TTN: variants seen among roughly 807,000 people sequenced by gnomAD.
The protein encoded by TTN is titin.
A neutral mutation model predicts 3,223.0 loss-of-function variants in TTN; 1,525 were observed. The observed-to-expected ratio is 0.47, with a 90% confidence interval of 0.45 to 0.49. The LOEUF (loss-of-function observed/expected upper bound fraction) is 0.49. Ranked by LOEUF, TTN falls within the 20% of genes least tolerant of loss-of-function variation. The probability of loss-of-function intolerance (pLI) is 0.00; values close to 1 mark genes in which losing one functional copy is unlikely to be tolerated. For missense variants in TTN, 40,786 were observed against 43,424.0 expected (o/e 0.94, Z 5.40); for synonymous variants, 14,094 against 15,161.0 (o/e 0.93, Z 5.17).
chr2:178,575,984 A>G lies in TTN; in HGVS notation c.70148T>C (p.Ile23383Thr). Residue 23383 changes from isoleucine (I) to threonine (T), a missense_variant, in exon 326 of 363, where the codon ATC (isoleucine) becomes ACC (threonine). Ile to Thr is a moderately conservative substitution (Grantham distance 89, BLOSUM62 -1). Coordinates refer to ENST00000589042, the MANE Select transcript of TTN (RefSeq NM_001267550.2). This position sits in a 1 kb window ranked among gnomAD's most constrained non-coding sequence, Gnocchi z 4.0. Reference sequence around the variant, plus strand: ...AATGTTGGCTCGGTTTTTCAGGTTGATGTTATCTTTGGTCCATGTCACTTC... The same window carrying G: ...AATGTTGGCTCGGTTTTTCAGGTTGGTGTTATCTTTGGTCCATGTCACTTC... ...APEVTWTKDN[I>T]NLKNRANIEN... The G allele has an allele frequency of 6.2e-7, 1 of 1,611,580 alleles. No individual in the cohort carries two copies. Among genetic ancestry groups the G allele is most frequent in the Non-Finnish European group, 8.5e-7 (1 of 1,178,080 alleles).
chr2:178,532,818 T>C lies in TTN; in HGVS notation c.103797A>G (p.Arg34599=). Residue 34599 remains arginine, a synonymous_variant, in exon 358 of 363, where the codon AGA becomes AGG. Transcript: ENST00000589042. Reference sequence around the variant, plus strand: ...GAGGCATCACATAGAACTGTTCCCATCTTGAAAGGCGGATGCGCTTGGGTC... The same window carrying C: ...GAGGCATCACATAGAACTGTTCCCACCTTGAAAGGCGGATGCGCTTGGGTC... ...QKRPKRIRLS[R]WEQFYVMPLP... The C allele has an allele frequency of 6.2e-7, 1 of 1,613,954 alleles. No individual in the cohort carries two copies. Among genetic ancestry groups the C allele is most frequent in the Non-Finnish European group, 8.5e-7 (1 of 1,179,872 alleles).
chr2:178,683,922 G>A lies in TTN; in HGVS notation c.32806+77C>T, dbSNP rs1262763461. The A allele has an allele frequency of 8.4e-6, 9 of 1,077,324 alleles. No individual in the cohort carries two copies. The Admixed American group carries it at 2.5e-4, about 30-fold the overall frequency. The allele number at this position is 1,077,324 out of a possible 1,614,324, so 66.7% of individuals were successfully genotyped here. On this transcript the variant is annotated intron_variant, in intron 133 of 362. Coordinates refer to ENST00000589042, the MANE Select transcript of TTN (RefSeq NM_001267550.2). ...ATACTATGTCTTTTTTTTTCTAATG[G>A]AACCTATTCCACTAGATTAGTTTTA...
At position 178,559,787 on chromosome 2, in the gene TTN, G is replaced by T. The variant is rs561319491; in HGVS notation, c.86345C>A (p.Pro28782Gln). Residue 28782 changes from proline to glutamine, a missense_variant, in exon 326 of 363, where the codon CCA becomes CAA. By Grantham distance (76) the Pro-to-Gln change is moderately conservative (BLOSUM62 -1). Coordinates refer to ENST00000589042, the MANE Select transcript of TTN (RefSeq NM_001267550.2). ...FTMTVPFRGR[P>Q]VPNVLWSKPD... ...CTTACTCCACAAGACATTGGGTACT[G>T]GTCTTCCTCGGAAAGGCACAGTCAT... 1.3e-5 allele frequency: 21 copies of T among 1,606,864 alleles called. No individual in the cohort carries two copies. Among genetic ancestry groups the T allele is most frequent in the Non-Finnish European group, 1.7e-5 (20 of 1,177,246 alleles).
chr2:178,582,602 T>A lies in TTN; in HGVS notation c.65864-10A>T, dbSNP rs1173316244. 1 of 1,594,476 alleles carries A rather than the reference T, an allele frequency of 6.3e-7. No homozygotes were observed. The highest frequency in any genetic ancestry group is 8.6e-7 in the Non-Finnish European group (1 of 1,169,368). ...GGAGGACCCGGTTTATCTGAAGGAA[T>A]AAGGAAGAAGAGTGAATATGTGGAA... On this transcript the variant is annotated splice_polypyrimidine_tract_variant and intron_variant, in intron 313 of 362. Transcript: ENST00000589042.
In TTN at chr2:178,782,872, G is replaced by A. The variant is rs397517547; in HGVS notation, c.3034C>T (p.Arg1012Ter). The change falls in exon 18 of 363, where the codon CGA (arginine) becomes TGA (stop). Residue 1012 changes from arginine (R) to a stop codon, truncating the protein, a stop_gained. Transcript: ENST00000589042. LOFTEE classifies it high-confidence loss of function. ...IREAFAEDSGRFTCSAVNEAG... is the reference protein window; with the variant it reads ...IREAFAEDSG ...TCATTTACAGCACTGCAAGTAAATC[G>A]CCCGCTGTCTTCCGCAAATGCTTCG... 3 of 1,613,976 alleles carry A rather than the reference G, an allele frequency of 1.9e-6. No homozygotes were observed. The highest frequency in any genetic ancestry group is 2.5e-6 in the Non-Finnish European group (3 of 1,179,956).
chr2:178,784,117 T>A lies in TTN; in HGVS notation c.2728A>T (p.Thr910Ser). 2 of 1,613,982 alleles carry A rather than the reference T, an allele frequency of 1.2e-6. No individual in the cohort carries two copies. The highest frequency in any genetic ancestry group is 1.7e-6 in the Non-Finnish European group (2 of 1,179,990). ...ACTTCAAAGCGCTCTTCACGGACGGTGGTGCCAGTGATGCTCACCCCTACT... is the reference window on the plus strand; with the variant it reads ...ACTTCAAAGCGCTCTTCACGGACGGAGGTGCCAGTGATGCTCACCCCTACT... ...KEVGVSITGT[T>S]VREERFEVLH... is the part of the protein sequence containing the mutation. Residue 910 changes from threonine to serine, a missense_variant, in exon 16 of 363, where the codon ACC becomes TCC. By Grantham distance (58) the Thr-to-Ser change is moderately conservative. Transcript: ENST00000589042.
At position 178,614,656 on chromosome 2, in the gene TTN, A is replaced by G. The variant is rs771942101; in HGVS notation, c.48858T>C (p.Pro16286=). 1.2e-6 allele frequency: 2 copies of G among 1,612,262 alleles called. No individual in the cohort carries two copies. Among genetic ancestry groups the G allele is most frequent in the East Asian group, 2.2e-5 (1 of 44,580 alleles). Residue 16286 remains proline (P), a synonymous_variant, in exon 261 of 363, where the codon CCT becomes CCC. Transcript: ENST00000589042. ...CCTTTGTCCAAGTTATTTTAGGTTC[A>G]GGTTTTCCGGTTACGGTGGCAGGAA... The part of the protein sequence containing the change: ...IELPATVTGK[P]EPKITWTKAD...
In TTN at chr2:178,590,416, G is replaced by A; in HGVS notation, c.61309C>T (p.Leu20437=). The A allele has an allele frequency of 6.2e-7, 1 of 1,610,700 alleles. No individual in the cohort carries two copies. Among genetic ancestry groups the A allele is most frequent in the Non-Finnish European group, 8.5e-7 (1 of 1,178,606 alleles). ...IRQCAFRVPG[L]IEGNEYRFRI... is the part of the protein sequence containing the mutation. Reference sequence around the variant, plus strand: ...AATCTGTACTCATTTCCTTCAATTAGTCCAGGTACCCTAAAGGCACATTGC... The same window carrying A: ...AATCTGTACTCATTTCCTTCAATTAATCCAGGTACCCTAAAGGCACATTGC... The change falls in exon 304 of 363, where the codon CTA becomes TTA. Residue 20437 remains leucine (L), a synonymous_variant. Coordinates refer to ENST00000589042, the MANE Select transcript of TTN (RefSeq NM_001267550.2).
chr2:178,775,519 A>G lies in TTN; in HGVS notation c.6345T>C (p.Gly2115=), dbSNP rs2154345755. 1 of 1,613,876 alleles carries G rather than the reference A, an allele frequency of 6.2e-7. No individual in the cohort carries two copies. The highest frequency in any genetic ancestry group is 1.1e-5 in the South Asian group (1 of 91,066). Residue 2115 remains glycine, a synonymous_variant, in exon 28 of 363, where the codon GGT becomes GGC. Coordinates refer to ENST00000589042, the MANE Select transcript of TTN (RefSeq NM_001267550.2). ...PDPECEWYKN[G]VKIERSDRIY... is the part of the protein sequence containing the mutation. Reference sequence around the variant, plus strand: ...TCCGGTCAGACCGTTCAATTTTGACACCATTTTTGTACCATTCACATTCGG... The same window carrying G: ...TCCGGTCAGACCGTTCAATTTTGACGCCATTTTTGTACCATTCACATTCGG...
intron 288 of TTN, among the ~76,000 whole-genome samples, chr2:178,600,187 T>G (rs1282451500): frequency 6.6e-6 from 1 of 151,834 alleles, no homozygotes; most frequent in Admixed American, 6.6e-5. Context: ...CATGGGATAC[T>G]CTCTTTAATA....
Position 178,526,976 on chromosome 2 carries a change from T to C in TTN, c.*36A>G. 6.6e-7 allele frequency: 1 copy of C among 1,514,906 alleles called. No individual in the cohort carries two copies. The highest frequency in any genetic ancestry group is 2.3e-5 in the East Asian group (1 of 43,694). The allele number at this position is 1,514,906 out of a possible 1,614,324, so 93.8% of individuals were successfully genotyped here. ...TCCGTGTGAAACGTTTGCGAAAAGT[T>C]AAGAATGAGTGTAGAGTATAAGGGC... On this transcript the variant is annotated 3_prime_UTR_variant, in exon 363 of 363. Transcript: ENST00000589042.
Position 178,528,433 on chromosome 2 carries a change from A to G in TTN, c.107224-6T>C, listed in dbSNP as rs368811159. 6.2e-6 allele frequency: 10 copies of G among 1,609,414 alleles called. No individual in the cohort carries two copies. In the East Asian group the frequency reaches 8.9e-5, roughly 14 times the overall value. ...ACATTTGAAGAAATAGAAATCTAAGACAAAGGAAAAAGAAAAGAAATGTTG... is the reference window on the plus strand; with the variant it reads ...ACATTTGAAGAAATAGAAATCTAAGGCAAAGGAAAAAGAAAAGAAATGTTG... On this transcript the variant is annotated splice_polypyrimidine_tract_variant and splice_region_variant and intron_variant, in intron 360 of 362. Coordinates refer to ENST00000589042, the MANE Select transcript of TTN (RefSeq NM_001267550.2).
rs371651343 is a variant in TTN at position 178,757,612 on chromosome 2, C to T, written c.10608G>A (p.Gln3536=). The change falls in exon 45 of 363, where the codon CAG becomes CAA. Residue 3536 remains glutamine, a synonymous_variant. Coordinates refer to ENST00000589042, the MANE Select transcript of TTN (RefSeq NM_001267550.2). ...IVDAYSEHAG[Q]YSCKAANSAG... is the part of the protein sequence containing the mutation. ...CACTATTGGCTGCTTTGCAAGAGTACTGCCCAGCATGCTCTGAGTAAGCAT... is the reference window on the plus strand; with the variant it reads ...CACTATTGGCTGCTTTGCAAGAGTATTGCCCAGCATGCTCTGAGTAAGCAT... 3.8e-5 allele frequency: 61 copies of T among 1,612,312 alleles called. No individual in the cohort carries two copies. In the African/African-American group the frequency reaches 6.8e-4, roughly 18 times the overall value.
chr2:178,632,846 T>C, intron 234 of TTN, 54 bp from the exon 235 acceptor site: 1 of 1,612,606 alleles, frequency 6.2e-7, no homozygotes, highest in South Asian at 1.1e-5. Flanking sequence ...TGATGACCCT[T>C]GATCAATGCA....
rs757162312 is a variant in TTN at position 178,713,295 on chromosome 2, A to T, written c.26839T>A (p.Cys8947Ser). 1 of 1,601,218 alleles carries T rather than the reference A, an allele frequency of 6.2e-7. No homozygotes were observed. The highest frequency in any genetic ancestry group is 1.1e-5 in the South Asian group (1 of 89,044). Residue 8947 changes from cysteine (C) to serine (S), a missense_variant, in exon 93 of 363, where the codon TGT (cysteine) becomes AGT (serine). By Grantham distance (112) the Cys-to-Ser change is moderately radical (BLOSUM62 -1). Transcript: ENST00000589042. Reference sequence around the variant, plus strand: ...ATTGGAGGTGACCCATAGACTTTACACTCCATTACAACTGAGGAGCCGGAT... The same window carrying T: ...ATTGGAGGTGACCCATAGACTTTACTCTCCATTACAACTGAGGAGCCGGAT... ...GLSGSSVVME[C>S]KVYGSPPISV...
chr2:178,713,832 C>T (rs1369821478), intron 92 of TTN, 65 bp downstream of exon 92: 4 of 1,561,508 alleles, frequency 2.6e-6, no homozygotes, highest in Non-Finnish European at 3.5e-6. Flanking sequence ...AACCCATATA[C>T]ATTTATGAAA....
chr2:178,727,209 A>G lies in TTN; in HGVS notation c.20156T>C (p.Ile6719Thr), dbSNP rs770377168. 1.5e-5 allele frequency: 24 copies of G among 1,613,138 alleles called. No individual in the cohort carries two copies. Among genetic ancestry groups the G allele is most frequent in the Admixed American group, 8.3e-5 (5 of 59,938 alleles). The change falls in exon 69 of 363, where the codon ATT becomes ACT. Residue 6719 changes from isoleucine to threonine, a missense_variant. Ile to Thr is a moderately conservative substitution (Grantham distance 89). Coordinates refer to ENST00000589042, the MANE Select transcript of TTN (RefSeq NM_001267550.2). ...CATCTGTATGACGGCCACTGAGTCA[A>G]TGAAAGTCATTCTGTACTTATCACT... Reference protein sequence around the residue: ...PASDKYRMTFIDSVAVIQMNN... With the variant: ...PASDKYRMTFTDSVAVIQMNN...
intron 274 of TTN, 53 bp downstream of exon 274, chr2:178,608,553 T>C (rs2055485629): frequency 6.4e-7 from 1 of 1,573,756 alleles, no homozygotes; most frequent in Non-Finnish European, 8.6e-7. Flanking sequence ...GTAGTAATTA[T>C]ATACCAAAGT....
At chr2:178,771,901 A>G (rs1048443972) in intron 33 of TTN, among the ~76,000 whole-genome samples, 4 of 152,188 alleles carry the variant, frequency 2.6e-5, no homozygotes, top group African/African-American at 9.6e-5. Flanking sequence ...GAGGATTTCT[A>G]TATATTAAAA....
Sources: allele counts gnomAD v4.1 joint callset (sites outside exome capture counted in the v4.1 genomes callset), GRCh38; gene constraint gnomAD v4.1.1; non-coding constraint Gnocchi (gnomAD v3.1); transcripts MANE v1.5; gene names NCBI Gene and HGNC (gene_info 2026-07-23, HGNC 2026-07-21).